Variants in ZNF385B observed in about 807,000 individuals in gnomAD.
ZNF385B encodes zinc finger protein 385B.
Under a neutral mutation model 39.2 loss-of-function variants are expected in ZNF385B, and 23 were observed. The ratio of observed to expected loss-of-function variants is 0.59; its 90% CI spans 0.42 to 0.83. The LOEUF is 0.83. Ranked by LOEUF, ZNF385B falls within the 40% of genes least tolerant of loss-of-function variation. The pLI is 0.00. For synonymous variants in ZNF385B, 205 were observed against 222.6 expected, an observed-to-expected ratio of 0.92 and a Z score of 0.70; for missense variants, 552 against 598.9, an observed-to-expected ratio of 0.92 and a Z score of 0.82.
chr2:179,510,563 T>C (rs1199528072), intron 5 of ZNF385B, among the ~76,000 whole-genome samples: 2 of 152,166 alleles, frequency 1.3e-5, no homozygotes, highest in Non-Finnish European at 2.9e-5. Flanking sequence ...TTAAATAGTA[T>C]GTTGGTTTGA....
intron 3 of ZNF385B, among the ~76,000 whole-genome samples, chr2:179,627,048 T>C (rs545365439): frequency 3.9e-5 from 6 of 152,312 alleles, no homozygotes; most frequent in Non-Finnish European, 4.4e-5. Flanking sequence ...CCAGATCACA[T>C]TGGACAGAAA....
chr2:179,597,798 CA>C (rs1428564073), intron 3 of ZNF385B, among the ~76,000 whole-genome samples: 2 of 152,230 alleles, frequency 1.3e-5, no homozygotes, highest in East Asian at 3.9e-4. Flanking sequence ...ATTATTGCCC[CA>C]TAAGTCTTTT....
chr2:179,724,078 G>A (rs1419932776), intron 3 of ZNF385B, among the ~76,000 whole-genome samples: 5 of 152,244 alleles, frequency 3.3e-5, no homozygotes, highest in South Asian at 2.1e-4. Context: ...GGAGGCCAAC[G>A]CAGGCAGATC....
At chr2:179,737,364 T>C (rs1415872688) in intron 3 of ZNF385B, among the ~76,000 whole-genome samples, 1 of 152,184 alleles carries the variant, frequency 6.6e-6, no homozygotes, top group South Asian at 2.1e-4. Context: ...TTAAAAGCAA[T>C]AAAGTTCCTC....
In ZNF385B at chr2:179,639,643, G is replaced by A. The variant is rs186882700; in HGVS notation, c.299-94674C>T. Among the ~76,000 whole-genome samples the A allele has an allele frequency of 2.0e-5, 3 of 152,230 alleles. No homozygotes were observed. The East Asian group carries it at 5.8e-4, about 29-fold the overall frequency. On this transcript the variant is annotated intron_variant, in intron 3 of 9. Coordinates refer to ENST00000410066, the MANE Select transcript of ZNF385B (RefSeq NM_152520.6). ...TTCTAAAAATTTAAGGGTAGAGGAAGGAGGGAAAGCCAGGCAAATGAACTA... is the reference window on the plus strand; with the variant it reads ...TTCTAAAAATTTAAGGGTAGAGGAAAGAGGGAAAGCCAGGCAAATGAACTA...
chr2:179,753,117 G>A (rs573306574), intron 3 of ZNF385B, among the ~76,000 whole-genome samples: 29 of 152,304 alleles, frequency 1.9e-4, no homozygotes, highest in Admixed American at 3.3e-4. Flanking sequence ...TGTATAAGGT[G>A]TAAGGAAGGG....
chr2:179,812,545 A>G (rs1383595922), intron 1 of ZNF385B, among the ~76,000 whole-genome samples: 3 of 152,238 alleles, frequency 2.0e-5, no homozygotes, highest in Admixed American at 6.5e-5. Context: ...ACACCAACTG[A>G]AAACCAAACA....
At chr2:179,447,680 C>T (rs895327453) in intron 6 of ZNF385B, among the ~76,000 whole-genome samples, 1 of 152,206 alleles carries the variant, frequency 6.6e-6, no homozygotes, top group East Asian at 1.9e-4. Flanking sequence ...TAGAAAATGT[C>T]TATAGATATG....
At chr2:179,732,207 T>G (rs1701439277) in intron 3 of ZNF385B, among the ~76,000 whole-genome samples, 1 of 152,188 alleles carries the variant, frequency 6.6e-6, no homozygotes, top group African/African-American at 2.4e-5. Context: ...AATTTTAGAA[T>G]TAGGTCAACT....
chr2:179,676,152 G>A (rs1038607155), intron 3 of ZNF385B, among the ~76,000 whole-genome samples: 3 of 150,022 alleles, frequency 2.0e-5, no homozygotes, highest in African/African-American at 4.9e-5. Context: ...GCAGTGGCAC[G>A]ATCTCTGCTC....
chr2:179,563,068 G>C (rs1299866894), intron 3 of ZNF385B, among the ~76,000 whole-genome samples: 1 of 152,102 alleles, frequency 6.6e-6, no homozygotes, highest in Non-Finnish European at 1.5e-5. Flanking sequence ...AAAAGACTAG[G>C]GCAGATGTCA....
At chr2:179,470,107 A>T (rs2052572060) in intron 6 of ZNF385B, among the ~76,000 whole-genome samples, 1 of 152,102 alleles carries the variant, frequency 6.6e-6, no homozygotes, top group Non-Finnish European at 1.5e-5. Flanking sequence ...ACCGCAGGCC[A>T]TGCTTTTCTC....
chr2:179,673,444 A>C (rs6708429), intron 3 of ZNF385B, among the ~76,000 whole-genome samples: 29,440 of 152,218 alleles, frequency 0.19, 3,638 homozygotes, highest in African/African-American at 0.35. Flanking sequence ...AATTATGGAT[A>C]GTAGACCCCA....
At chr2:179,617,564 G>A (rs1398856488) in intron 3 of ZNF385B, among the ~76,000 whole-genome samples, 2 of 152,104 alleles carry the variant, frequency 1.3e-5, no homozygotes, top group African/African-American at 4.8e-5. Context: ...AGAATCACCT[G>A]GAAGGCTTAT....
chr2:179,691,342 T>A (rs1300092767), intron 3 of ZNF385B, among the ~76,000 whole-genome samples: 1 of 152,100 alleles, frequency 6.6e-6, no homozygotes. Flanking sequence ...ATAAAAAAAA[T>A]GAAATATGAG....
chr2:179,799,789 T>C (rs1333249104), intron 1 of ZNF385B, among the ~76,000 whole-genome samples: 1 of 152,132 alleles, frequency 6.6e-6, no homozygotes, highest in Non-Finnish European at 1.5e-5. Flanking sequence ...GGGAATTAAA[T>C]GGCTGGTTTG....
At chr2:179,616,773 C>G (rs1041063510) in intron 3 of ZNF385B, among the ~76,000 whole-genome samples, 2 of 152,100 alleles carry the variant, frequency 1.3e-5, no homozygotes, top group Non-Finnish European at 2.9e-5. Flanking sequence ...GTTGCCCAGG[C>G]TCATCTTGAA....
intron 2 of ZNF385B, among the ~76,000 whole-genome samples, chr2:179,770,252 G>A (rs1468192776): frequency 2.0e-5 from 3 of 152,162 alleles, no homozygotes; most frequent in East Asian, 3.8e-4. Flanking sequence ...GCTTATGTCT[G>A]TCTCCCCATT....
chr2:179,804,375 G>C (rs182957984), intron 1 of ZNF385B, among the ~76,000 whole-genome samples: 7 of 152,228 alleles, frequency 4.6e-5, no homozygotes, highest in African/African-American at 1.7e-4. Context: ...AATGCCAGTG[G>C]GATTGCTCCA....
Sources: allele counts gnomAD v4.1 joint callset (sites outside exome capture counted in the v4.1 genomes callset), GRCh38; gene constraint gnomAD v4.1.1; transcripts MANE v1.5; gene names NCBI Gene and HGNC (gene_info 2026-07-23, HGNC 2026-07-21).